Variants in NXF1 observed in about 807,000 individuals in gnomAD.
The protein encoded by NXF1 is mRNA export factor TAP.
In NXF1, 43 loss-of-function variants were observed where a neutral mutation model predicts 92.4. That is an observed-to-expected ratio of 0.47 (90% confidence interval 0.36 to 0.60). The LOEUF is 0.60. NXF1 is among the 20% of genes least tolerant of loss of function. The pLI is 0.00. For missense variants in NXF1, 576 were observed against 793.0 expected (o/e 0.73, Z 3.29); for synonymous variants, 288 against 292.2 (o/e 0.99, Z 0.15).
chr11:62,797,166 G>C lies in NXF1; in HGVS notation c.1178+17C>G, dbSNP rs76498401. 39 of 1,613,236 alleles carry C rather than the reference G, an allele frequency of 2.4e-5. No homozygotes were observed. Among genetic ancestry groups the C allele is most frequent in the African/African-American group, 5.3e-5 (4 of 74,998 alleles). ...CCTCAACCTCGGGGTGGGGAGGGGGGACCCTGGGATACTTACTGTTGCAGG... is the reference window on the plus strand; with the variant it reads ...CCTCAACCTCGGGGTGGGGAGGGGGCACCCTGGGATACTTACTGTTGCAGG... On this transcript the variant is annotated intron_variant, in intron 13 of 20. Transcript: ENST00000294172.
rs1168609274 is a variant in NXF1 at position 62,801,188 on chromosome 11, T to G, written c.812A>C (p.Asn271Thr). 6.2e-7 allele frequency: 1 copy of G among 1,614,196 alleles called. No homozygotes were observed. Among genetic ancestry groups the G allele is most frequent in the Non-Finnish European group, 8.5e-7 (1 of 1,180,028 alleles). The change falls in exon 9 of 21, where the codon AAC becomes ACC. Residue 271 changes from asparagine (N) to threonine (T), a missense_variant. Physicochemically the swap from Asn to Thr is moderately conservative, Grantham distance 65 (BLOSUM62 0). Around this residue, in one of 2 missense-constraint regions of NXF1, gnomAD observed 425 missense variants for 635.2 expected, o/e 0.67. Transcript: ENST00000294172. ...CCTGTACAGCCTGTTGTTGCTCAAG[T>G]TCAAGGACAATAGCTGTGAGGAGAG... Reference protein sequence around the residue: ...EENIPELLSLNLSNNRLYRLD... With the variant: ...EENIPELLSLTLSNNRLYRLD...
At position 62,792,474 on chromosome 11, in the gene NXF1, G is replaced by T. The variant is rs572447497; in HGVS notation, c.*2C>A. On this transcript the variant is annotated 3_prime_UTR_variant, in exon 21 of 21. Transcript: ENST00000294172. ...GGGACTGCTTCTGAGGCATGACTAC[G>T]ATCACTTCATGAATGCCACTTCTGG... is the stretch of plus-strand genomic sequence containing the variant. 2 of 1,614,122 alleles carry T rather than the reference G, an allele frequency of 1.2e-6. No homozygotes were observed. Among genetic ancestry groups the T allele is most frequent in the South Asian group, 1.1e-5 (1 of 91,078 alleles).
intron 11 of NXF1, 58 bp downstream of exon 11, chr11:62,798,481 G>A: frequency 1.3e-6 from 2 of 1,587,006 alleles, no homozygotes; most frequent in Non-Finnish European, 1.7e-6. Context: ...AACCTATCCA[G>A]GAATCCTTGT....
chr11:62,805,218 C>T (rs1295421117), intron 1 of NXF1, 111 bp downstream of exon 1: 47 of 1,083,450 alleles, frequency 4.3e-5, no homozygotes, highest in Non-Finnish European at 5.2e-5. Flanking sequence ...GCGCCGCTCC[C>T]CGCGGACGCC....
chr11:62,795,896 C>T lies in NXF1; in HGVS notation c.1504+5G>A, dbSNP rs553738711. 3.7e-6 allele frequency: 6 copies of T among 1,613,400 alleles called. No homozygotes were observed. Among genetic ancestry groups the T allele is most frequent in the Non-Finnish European group, 5.1e-6 (6 of 1,179,882 alleles). On this transcript the variant is annotated splice_donor_5th_base_variant and intron_variant, in intron 17 of 20. Transcript: ENST00000294172. The stretch of plus-strand genomic sequence containing the variant: ...CTACAAACTCGGGACTCTAAAGATT[C>T]TTACCTTCCTTGAAGACTCCATTGA...
chr11:62,803,812 C>A lies in NXF1; in HGVS notation c.195G>T (p.Gln65His). ...CTCACTATCGTACTCGGGGACCATC[C>A]TGGGCATCACTCATTGCCACATCTC... The part of the protein sequence containing the change: ...DDGDVAMSDA[Q>H]DGPRVRYNPY... The change falls in exon 2 of 21, where the codon CAG becomes CAT. Residue 65 changes from glutamine (Q) to histidine (H), a missense_variant. Gln to His is a conservative substitution (Grantham distance 24, BLOSUM62 0). This residue lies in a region of NXF1 where 151 missense variants were observed against 157.8 expected (regional missense o/e 0.96). Coordinates refer to ENST00000294172, the MANE Select transcript of NXF1 (RefSeq NM_006362.5). 1 of 1,613,872 alleles carries A rather than the reference C, an allele frequency of 6.2e-7. No homozygotes were observed. The highest frequency in any genetic ancestry group is 8.5e-7 in the Non-Finnish European group (1 of 1,179,798).
chr11:62,792,887 GAATATTAA>G, intron 19 of NXF1, 186 bp from the exon 20 acceptor site: 1 of 600,016 alleles, frequency 1.7e-6, no homozygotes, highest in Non-Finnish European at 3.0e-6. Flanking sequence ...CAAAGATAAG[GAATATTAA>G]ATAGCTGTCA....
intron 8 of NXF1, 45 bp from the exon 9 acceptor site, chr11:62,801,246 A>T (rs1408868553): frequency 1.9e-6 from 3 of 1,605,108 alleles, no homozygotes; most frequent in Non-Finnish European, 2.6e-6. Flanking sequence ...CAGCAAGTGG[A>T]TCAGAGACGA....
intron 20 of NXF1, 61 bp from the exon 21 acceptor site, chr11:62,792,575 A>G (rs779849727): frequency 1.1e-4 from 178 of 1,613,478 alleles, no homozygotes; most frequent in Non-Finnish European, 1.4e-4. Context: ...AACCCCACTC[A>G]GCTAACCTGA....
At chr11:62,801,537 T>A in intron 7 of NXF1, 25 bp downstream of exon 7, 1 of 1,612,940 alleles carries the variant, frequency 6.2e-7, no homozygotes, top group Non-Finnish European at 8.5e-7. Flanking sequence ...ACCACCTATC[T>A]GAGAACTACT....
chr11:62,798,077 G>A (rs2084439493), intron 11 of NXF1, among the ~76,000 whole-genome samples: 1 of 147,092 alleles, frequency 6.8e-6, no homozygotes, highest in Non-Finnish European at 1.5e-5. Context: ...ACGGTGCAGT[G>A]AGTCAAGATT....
chr11:62,794,189 A>C, intron 19 of NXF1, 69 bp downstream of exon 19: 1 of 1,454,704 alleles, frequency 6.9e-7, no homozygotes, highest in Non-Finnish European at 9.4e-7. Flanking sequence ...AAAAACTGTC[A>C]GGAGCCCTCA....
chr11:62,800,212 G>T (rs2134773353), intron 10 of NXF1, 165 bp downstream of exon 10: 1 of 1,429,256 alleles, frequency 7.0e-7, no homozygotes. Context: ...GACAAAGCTG[G>T]AAGACACAGA....
chr11:62,792,288 A>AC lies in NXF1; in HGVS notation c.*187dup, dbSNP rs2084372437. 1 of 762,304 alleles carries AC rather than the reference A, an allele frequency of 1.3e-6. No individual in the cohort carries two copies. Among genetic ancestry groups the AC allele is most frequent in the Non-Finnish European group, 2.2e-6 (1 of 450,570 alleles). 47.2% of individuals were successfully genotyped at this position (762,304 alleles called of 1,614,324 possible). A position where few individuals can be genotyped will look rare whatever the true frequency, so the allele number is the denominator to read the frequency against. ...ACAAAGTAAGCTTTGGCTTCCTGGCACCAGTGAGGCTCAATCTTCTGAAGT... is the reference window on the plus strand; with the variant it reads ...ACAAAGTAAGCTTTGGCTTCCTGGCACCCAGTGAGGCTCAATCTTCTGAAGT... On this transcript the variant is annotated 3_prime_UTR_variant, in exon 21 of 21. Transcript: ENST00000294172.
chr11:62,801,727 A>G lies in NXF1; in HGVS notation c.639+12T>C, dbSNP rs1421554607. On this transcript the variant is annotated intron_variant, in intron 6 of 20. Coordinates refer to ENST00000294172, the MANE Select transcript of NXF1 (RefSeq NM_006362.5). ...GACTGGGTTGGAAACATCTAATTTG[A>G]GCCTGCCTCACCTTTAGCTGTTCTA... The G allele has an allele frequency of 6.2e-7, 1 of 1,612,730 alleles. No individual in the cohort carries two copies.
At chr11:62,797,957 C>T (rs2084438174) in intron 11 of NXF1, among the ~76,000 whole-genome samples, 1 of 151,820 alleles carries the variant, frequency 6.6e-6, no homozygotes, top group Non-Finnish European at 1.5e-5. Context: ...ATGAAACCCC[C>T]ATCTCTACTA....
In NXF1 at chr11:62,805,436, G is replaced by C; in HGVS notation, c.-80C>G. Reference sequence around the variant, plus strand: ...ACCTAACTCCCAAGCGCTCAGGACCGAAGTGTCCCTACGCCGGGCGCCACC... The same window carrying C: ...ACCTAACTCCCAAGCGCTCAGGACCCAAGTGTCCCTACGCCGGGCGCCACC... On this transcript the variant is annotated 5_prime_UTR_variant, in exon 1 of 21. Transcript: ENST00000294172. The C allele has an allele frequency of 2.5e-6, 4 of 1,591,106 alleles. No individual in the cohort carries two copies. The highest frequency in any genetic ancestry group is 3.4e-6 in the Non-Finnish European group (4 of 1,166,412).
intron 20 of NXF1, 37 bp from the exon 21 acceptor site, chr11:62,792,551 C>T (rs1249512226): frequency 6.2e-7 from 1 of 1,614,096 alleles, no homozygotes; most frequent in Non-Finnish European, 8.5e-7. Context: ...GTAGGCCTAC[C>T]CTCGCCACTC....
In NXF1 at chr11:62,801,135, T is replaced by G; in HGVS notation, c.865A>C (p.Lys289Gln). ...RLDDMSSIVQ[K>Q]APNLKILNLS... Reference sequence around the variant, plus strand: ...TTTAGGATCTTCAGGTTGGGTGCCTTCTGAACAATGCTAGACATGTCATCC... The same window carrying G: ...TTTAGGATCTTCAGGTTGGGTGCCTGCTGAACAATGCTAGACATGTCATCC... The change falls in exon 9 of 21, where the codon AAG becomes CAG. Residue 289 changes from lysine to glutamine, a missense_variant. This residue lies in a region of NXF1 where 425 missense variants were observed against 635.2 expected (regional missense o/e 0.67). Transcript: ENST00000294172. The G allele has an allele frequency of 6.2e-7, 1 of 1,614,242 alleles. No homozygotes were observed. The highest frequency in any genetic ancestry group is 1.1e-5 in the South Asian group (1 of 91,088).
Sources: allele counts gnomAD v4.1 joint callset (sites outside exome capture counted in the v4.1 genomes callset), GRCh38; gene constraint gnomAD v4.1.1; regional missense constraint gnomAD v4.1.1; transcripts MANE v1.5; gene names NCBI Gene and HGNC (gene_info 2026-07-23, HGNC 2026-07-21).